CMKLR2: variants seen among roughly 807,000 people sequenced by gnomAD.
CMKLR2 encodes chemerin-like receptor 2.
Under a neutral mutation model 23.0 loss-of-function variants are expected in CMKLR2, and 18 were observed. That is an observed-to-expected ratio of 0.78 (90% CI 0.54 to 1.16). The LOEUF (loss-of-function observed/expected upper bound fraction) is 1.16, where lower values mean the gene tolerates loss of function less well. Ranked by LOEUF, CMKLR2 falls within the 50% of genes most tolerant of loss-of-function variation. The probability of loss-of-function intolerance (pLI) is 0.00; values close to 1 mark genes in which losing one functional copy is unlikely to be tolerated. For synonymous variants in CMKLR2, 158 were observed against 158.9 expected, an observed-to-expected ratio of 0.99 and a Z score of 0.05; for missense variants, 401 against 412.7, an observed-to-expected ratio of 0.97 and a Z score of 0.25.
chr2:206,195,877 C>A (rs1449404556), intron 1 of CMKLR2, among the ~76,000 whole-genome samples: 1 of 151,960 alleles, frequency 6.6e-6, no homozygotes, highest in Non-Finnish European at 1.5e-5. Flanking sequence ...TCCCTTGAAC[C>A]TGGGAGGCGG....
At chr2:206,179,239 T>C (rs1482698528) in intron 1 of CMKLR2, among the ~76,000 whole-genome samples, 1 of 149,608 alleles carries the variant, frequency 6.7e-6, no homozygotes, top group Non-Finnish European at 1.5e-5. Context: ...TACGCCCAGC[T>C]AATTTTTGTG....
At chr2:206,194,629 T>C (rs572607812) in intron 1 of CMKLR2, among the ~76,000 whole-genome samples, 2 of 151,816 alleles carry the variant, frequency 1.3e-5, no homozygotes, top group Non-Finnish European at 2.9e-5. Flanking sequence ...AGAGACAGGG[T>C]TTCACCATGT....
intron 1 of CMKLR2, among the ~76,000 whole-genome samples, chr2:206,212,715 C>T (rs113003261): frequency 0.075 from 11,458 of 152,206 alleles, 646 homozygotes; most frequent in Admixed American, 0.18. Flanking sequence ...AAATTGATAG[C>T]GAGATTCAAA....
At chr2:206,195,024 G>C (rs1314848890) in intron 1 of CMKLR2, among the ~76,000 whole-genome samples, 2 of 152,040 alleles carry the variant, frequency 1.3e-5, no homozygotes, top group African/African-American at 4.8e-5. Context: ...CCAAAGTGCT[G>C]GGATTACAGG....
chr2:206,181,193 G>T (rs1046762009), intron 1 of CMKLR2, among the ~76,000 whole-genome samples: 3 of 151,838 alleles, frequency 2.0e-5, no homozygotes, highest in African/African-American at 7.3e-5. Context: ...AAGTACCTGG[G>T]ACTACAGGCT....
upstream of CMKLR2, among the ~76,000 whole-genome samples, chr2:206,214,156 A>G (rs1689668919): frequency 8.0e-6 from 1 of 125,134 alleles, no homozygotes; most frequent in African/African-American, 3.0e-5. Context: ...GCCTGGCCTT[A>G]AAGACTTGAT....
At chr2:206,187,342 T>C (rs1195151759) in intron 1 of CMKLR2, among the ~76,000 whole-genome samples, 1 of 152,210 alleles carries the variant, frequency 6.6e-6, no homozygotes, top group East Asian at 1.9e-4. Flanking sequence ...TGCTAAGTTA[T>C]ACTTTGAACT....
chr2:206,197,631 C>T lies in CMKLR2; in HGVS notation c.-29+15676G>A, dbSNP rs374405982. The stretch of plus-strand genomic sequence containing the variant: ...GAGCAGTGCCCTGTAGAGGTTATGA[C>T]CCACTATCACATCTTGAGTTTCCCC... On this transcript the variant is annotated intron_variant, in intron 1 of 1. Coordinates refer to ENST00000621141, the MANE Select transcript of CMKLR2 (RefSeq NM_001389445.1). 4.6e-4 allele frequency among the ~76,000 whole-genome samples: 70 copies of T among 152,256 alleles called. No individual in the cohort carries two copies. The East Asian group carries it at 6.6e-3, about 14-fold the overall frequency.
At chr2:206,196,667 G>A (rs1688932977) in intron 1 of CMKLR2, among the ~76,000 whole-genome samples, 1 of 152,148 alleles carries the variant, frequency 6.6e-6, no homozygotes, top group African/African-American at 2.4e-5. Flanking sequence ...GGAGCAGCCA[G>A]TTTGTAAGAA....
intron 1 of CMKLR2, among the ~76,000 whole-genome samples, chr2:206,196,421 A>C (rs1688923751): frequency 2.0e-5 from 3 of 150,178 alleles, no homozygotes; most frequent in African/African-American, 7.3e-5. Context: ...TAGTGTTTAA[A>C]CCAGGAGAGA....
chr2:206,214,396 A>G (rs879200745), upstream of CMKLR2, among the ~76,000 whole-genome samples: 3 of 151,382 alleles, frequency 2.0e-5, no homozygotes, highest in Non-Finnish European at 4.4e-5. Flanking sequence ...CTGGTCTCGA[A>G]TTTCTGACCC....
At chr2:206,188,385 C>T (rs560809436) in intron 1 of CMKLR2, among the ~76,000 whole-genome samples, 10 of 152,274 alleles carry the variant, frequency 6.6e-5, no homozygotes, top group East Asian at 5.8e-4. Context: ...TAAGGCTTTT[C>T]GACTTGACAG....
upstream of CMKLR2, among the ~76,000 whole-genome samples, chr2:206,215,772 A>G (rs748565746): frequency 1.9e-4 from 29 of 152,204 alleles, no homozygotes; most frequent in Non-Finnish European, 4.1e-4. Flanking sequence ...GGTGTACTAG[A>G]GATAAGCCAC....
intron 1 of CMKLR2, among the ~76,000 whole-genome samples, chr2:206,207,194 A>G (rs1374322545): frequency 7.2e-6 from 1 of 138,844 alleles, no homozygotes; most frequent in Non-Finnish European, 1.5e-5. Context: ...TCTGTTGCCC[A>G]GGCTGGAGTG....
At chr2:206,214,142 C>G (rs1270539186), upstream of CMKLR2, among the ~76,000 whole-genome samples, 1 of 146,732 alleles carries the variant, frequency 6.8e-6, no homozygotes, top group Non-Finnish European at 1.5e-5. Context: ...GCATGAACCA[C>G]CACGCCTGGC....
At chr2:206,197,226 T>C (rs568184235) in intron 1 of CMKLR2, among the ~76,000 whole-genome samples, 11 of 152,198 alleles carry the variant, frequency 7.2e-5, no homozygotes, top group Admixed American at 7.2e-4. Flanking sequence ...TATTCTTTAC[T>C]GCTCCAGAGC....
At chr2:206,199,660 A>G (rs1486744892) in intron 1 of CMKLR2, among the ~76,000 whole-genome samples, 1 of 151,176 alleles carries the variant, frequency 6.6e-6, no homozygotes, top group Admixed American at 6.6e-5. Context: ...CAGTGGCTCA[A>G]TCTCAGCTCA....
At chr2:206,198,528 G>C (rs1185982759) in intron 1 of CMKLR2, among the ~76,000 whole-genome samples, 2 of 152,144 alleles carry the variant, frequency 1.3e-5, no homozygotes, top group African/African-American at 4.8e-5. Context: ...CCTCAAACTA[G>C]CACCAAATCC....
At chr2:206,214,873 C>A (rs986929795), upstream of CMKLR2, among the ~76,000 whole-genome samples, 14 of 152,092 alleles carry the variant, frequency 9.2e-5, no homozygotes, top group Admixed American at 7.9e-4. Context: ...GATCCGCCCG[C>A]CTCGGCCTCC....
Sources: allele counts gnomAD v4.1 joint callset (sites outside exome capture counted in the v4.1 genomes callset), GRCh38; gene constraint gnomAD v4.1.1; transcripts MANE v1.5; gene names NCBI Gene and HGNC (gene_info 2026-07-23, HGNC 2026-07-21).